TRAPPC9: variants seen among roughly 807,000 people sequenced by gnomAD.
TRAPPC9 encodes trafficking protein particle complex subunit 9.
TRAPPC9 carries 83 observed loss-of-function variants against 124.0 expected under a neutral mutation model. The observed-to-expected ratio is 0.67, with a 90% CI of 0.56 to 0.80. The LOEUF is 0.80. Among genes scored for constraint, TRAPPC9 ranks in the 30% least tolerant of loss-of-function variants. The pLI, the probability that TRAPPC9 is intolerant of heterozygous loss-of-function variation, is 0.00. For missense variants in TRAPPC9, 1,302 were observed against 1,508.3 expected, an observed-to-expected ratio of 0.86 and a Z score of 2.27; for synonymous variants, 638 against 617.5, an observed-to-expected ratio of 1.03 and a Z score of -0.49.
At chr8:139,931,923 A>ATC in intron 19 of TRAPPC9, 1 of 188,208 alleles carries the variant, frequency 5.3e-6, no homozygotes, top group Non-Finnish European at 1.1e-5. Flanking sequence ...TCTGTGTTGA[A>ATC]AATAAAGAAT....
chr8:139,939,593 C>G (rs1268291960), intron 19 of TRAPPC9, among the ~76,000 whole-genome samples: 1 of 152,150 alleles, frequency 6.6e-6, no homozygotes, highest in Non-Finnish European at 1.5e-5. Flanking sequence ...GTGGGAAGCA[C>G]CCCTGTCGTG....
At chr8:139,823,069 C>T (rs1260678519) in intron 21 of TRAPPC9, among the ~76,000 whole-genome samples, 1 of 152,102 alleles carries the variant, frequency 6.6e-6, no homozygotes, top group Admixed American at 6.5e-5. Context: ...GCCCCATCCT[C>T]ATCCCCCATT....
intron 17 of TRAPPC9, among the ~76,000 whole-genome samples, chr8:140,044,254 G>T (rs1383185290): frequency 7.2e-6 from 1 of 139,362 alleles, no homozygotes; most frequent in East Asian, 2.0e-4. Context: ...TGGTCCAGAA[G>T]CAACAGAACA....
chr8:139,832,984 GATGAGAAGC>G (rs1460463422), intron 21 of TRAPPC9, among the ~76,000 whole-genome samples: 1 of 152,162 alleles, frequency 6.6e-6, no homozygotes, highest in African/African-American at 2.4e-5. Context: ...GGAAGTCAGA[GATGAGAAGC>G]ATGAGAAGGG....
chr8:140,305,732 T>A (rs2066112121), intron 10 of TRAPPC9, among the ~76,000 whole-genome samples: 1 of 152,238 alleles, frequency 6.6e-6, no homozygotes, highest in Admixed American at 6.5e-5. Flanking sequence ...TAAGGTGACA[T>A]CTAATTAGAG....
chr8:139,847,233 G>C (rs1485656026), intron 21 of TRAPPC9, among the ~76,000 whole-genome samples: 2 of 152,198 alleles, frequency 1.3e-5, no homozygotes, highest in African/African-American at 4.8e-5. Flanking sequence ...TGGCTGATGG[G>C]AGACAGCAAA....
chr8:139,987,575 T>G (rs1837322272), intron 19 of TRAPPC9, among the ~76,000 whole-genome samples: 1 of 152,048 alleles, frequency 6.6e-6, no homozygotes, highest in African/African-American at 2.4e-5. Context: ...GAGAAAGATC[T>G]GGGGCAAATA....
chr8:139,987,103 C>T (rs765489145), intron 19 of TRAPPC9, among the ~76,000 whole-genome samples: 132 of 152,290 alleles, frequency 8.7e-4, no homozygotes, highest in Non-Finnish European at 1.4e-3. Flanking sequence ...GTAATTCATT[C>T]GTTTTTGTTG....
chr8:139,770,247 G>A (rs562720410), intron 21 of TRAPPC9, among the ~76,000 whole-genome samples: 8 of 152,274 alleles, frequency 5.3e-5, no homozygotes, highest in African/African-American at 1.9e-4. Flanking sequence ...GCCCCGGAGA[G>A]AGGTTCTGCT....
At chr8:140,171,530 T>C (rs1464596443) in intron 17 of TRAPPC9, among the ~76,000 whole-genome samples, 2 of 152,202 alleles carry the variant, frequency 1.3e-5, no homozygotes, top group Non-Finnish European at 2.9e-5. Flanking sequence ...TACAGCTATG[T>C]CCTGTTAGAT....
intron 3 of TRAPPC9, among the ~76,000 whole-genome samples, chr8:140,436,751 G>A (rs558531670): frequency 6.6e-6 from 1 of 152,266 alleles, no homozygotes; most frequent in South Asian, 2.1e-4. Context: ...GAGCCCACTG[G>A]GAGATGCACA....
intron 19 of TRAPPC9, among the ~76,000 whole-genome samples, chr8:139,948,874 C>T (rs1446983179): frequency 6.6e-6 from 1 of 152,072 alleles, no homozygotes; most frequent in Non-Finnish European, 1.5e-5. Flanking sequence ...GTCAGGAGTT[C>T]GAGACCAGCC....
rs1451744690 is a variant in TRAPPC9 at position 140,457,548 on chromosome 8, G to T, written c.-11+91C>A. On this transcript the variant is annotated intron_variant, in intron 1 of 22. Transcript: ENST00000438773. Reference sequence around the variant, plus strand: ...AGGTGAGGGCCGGGCGAGCCCCTCCGCGGGACGCGCCGACTCCACGGCCAG... The same window carrying T: ...AGGTGAGGGCCGGGCGAGCCCCTCCTCGGGACGCGCCGACTCCACGGCCAG... 5.2e-6 allele frequency: 5 copies of T among 955,114 alleles called. No individual in the cohort carries two copies. In the African/African-American group the frequency reaches 8.8e-5, roughly 17 times the overall value. 59.2% of individuals were successfully genotyped at this position (955,114 alleles called of 1,614,324 possible).
At chr8:139,996,920 T>G (rs979569185) in intron 18 of TRAPPC9, among the ~76,000 whole-genome samples, 4 of 152,184 alleles carry the variant, frequency 2.6e-5, no homozygotes, top group African/African-American at 9.7e-5. Flanking sequence ...TTTTTTATGG[T>G]ATTTTTAGTA....
intron 17 of TRAPPC9, among the ~76,000 whole-genome samples, chr8:140,113,735 A>G (rs2060825676): frequency 6.6e-6 from 1 of 152,222 alleles, no homozygotes; most frequent in African/African-American, 2.4e-5. Context: ...GTTCAAGTCC[A>G]GGGAGTCTCC....
chr8:140,318,192 T>C (rs2131922914), intron 9 of TRAPPC9, among the ~76,000 whole-genome samples: 2 of 152,320 alleles, frequency 1.3e-5, no homozygotes, highest in South Asian at 4.1e-4. Context: ...TGAGGATTCA[T>C]TTTACAATTC....
chr8:139,925,827 G>GCACACACACACA (rs56794885), intron 19 of TRAPPC9, among the ~76,000 whole-genome samples: 1 of 68,660 alleles, frequency 1.5e-5, no homozygotes, highest in African/African-American at 4.1e-5. Context: ...ACACGCACAC[G>GCACACACACACA]CACACACACA....
intron 9 of TRAPPC9, among the ~76,000 whole-genome samples, chr8:140,327,046 G>A (rs1454898496): frequency 2.0e-5 from 3 of 152,120 alleles, no homozygotes; most frequent in Non-Finnish European, 2.9e-5. Flanking sequence ...GAGGTCAGGA[G>A]TTCCAAGACC....
intron 15 of TRAPPC9, among the ~76,000 whole-genome samples, chr8:140,273,420 C>T (rs2065019494): frequency 6.6e-6 from 1 of 152,210 alleles, no homozygotes; most frequent in Non-Finnish European, 1.5e-5. Flanking sequence ...CAGCTGTGAT[C>T]CAGCTCGGCT....
Sources: gnomAD v4.1 joint callset for allele counts (sites outside exome capture counted in the v4.1 genomes callset) on GRCh38, gnomAD v4.1.1 for gene constraint, MANE v1.5 for transcripts, NCBI Gene and HGNC (gene_info 2026-07-23, HGNC 2026-07-21) for gene names.